UHRF1: variants seen among roughly 807,000 people sequenced by gnomAD.
UHRF1 encodes ubiquitin like with PHD and ring finger domains 1, also known as E3 ubiquitin-protein ligase UHRF1.
A neutral mutation model predicts 96.5 loss-of-function variants in UHRF1; 9 were observed. That is an observed-to-expected ratio of 0.09 (90% CI 0.06 to 0.16). The LOEUF is 0.16. UHRF1 is among the 10% of genes least tolerant of loss of function. UHRF1 has a pLI of 1.00. For missense variants in UHRF1, 626 were observed against 1,131.1 expected, an observed-to-expected ratio of 0.55 and a Z score of 6.40; for synonymous variants, 455 against 469.9, an observed-to-expected ratio of 0.97 and a Z score of 0.41.
chr19:4,962,127 C>G lies in UHRF1; in HGVS notation c.*1324C>G, dbSNP rs1411250196. On this transcript the variant is annotated 3_prime_UTR_variant, in exon 17 of 17. Transcript: ENST00000650932. ...CAGTACTTTGTCCAGATTTTAGATTCTCAGAATAAATGTTTTTCACAGATA... is the reference window on the plus strand; with the variant it reads ...CAGTACTTTGTCCAGATTTTAGATTGTCAGAATAAATGTTTTTCACAGATA... 1 of 152,172 alleles carries G rather than the reference C, an allele frequency of 6.6e-6. No homozygotes were observed. The highest frequency in any genetic ancestry group is 1.5e-5 in the Non-Finnish European group (1 of 68,040). The allele number at this position is 152,172 out of a possible 1,614,324, so 9.4% of individuals were successfully genotyped here. A position where few individuals can be genotyped will look rare whatever the true frequency, so the allele number is the denominator to read the frequency against.
chr19:4,912,211 C>T (rs1367453125), intron 2 of UHRF1, among the ~76,000 whole-genome samples: 2 of 152,176 alleles, frequency 1.3e-5, no homozygotes, highest in East Asian at 1.9e-4. Context: ...GTGCAAGCCG[C>T]GTGTGTGCAG....
At chr19:4,924,442 C>A (rs948139666) in intron 2 of UHRF1, among the ~76,000 whole-genome samples, 1 of 152,314 alleles carries the variant, frequency 6.6e-6, no homozygotes, top group South Asian at 2.1e-4. Context: ...AGCCACCGCA[C>A]CCGGCCAATT....
intron 2 of UHRF1, among the ~76,000 whole-genome samples, chr19:4,913,865 G>A (rs1034028426): frequency 3.0e-5 from 4 of 134,580 alleles, no homozygotes; most frequent in Non-Finnish European, 4.6e-5. Context: ...AAGGTGGAGT[G>A]CAATTGCGTG....
At position 4,938,730 on chromosome 19, in the gene UHRF1, G is replaced by GTTTTTTTTTTTTT. The variant is rs71170880; in HGVS notation, c.786-2779_786-2767dup. 2.0e-3 allele frequency among the ~76,000 whole-genome samples: 123 copies of GTTTTTTTTTTTTT among 61,586 alleles called. 11 individuals carry two copies. Among genetic ancestry groups the GTTTTTTTTTTTTT allele is most frequent in the African/African-American group, 3.4e-3 (48 of 14,068 alleles). The allele number at this position is 61,586 out of a possible 152,430, so 40.4% of individuals were successfully genotyped here. A position where few individuals can be genotyped will look rare whatever the true frequency, so the allele number is the denominator to read the frequency against. ...GGCATAAGAGTTTTGTTTTGGTCAG[G>GTTTTTTTTTTTTT]TTTTTTTTTTTTTTTTTTTTTTTTT... On this transcript the variant is annotated intron_variant, in intron 5 of 16. Coordinates refer to ENST00000650932, the MANE Select transcript of UHRF1 (RefSeq NM_001048201.3).
chr19:4,910,617 C>T (rs1389175152), intron 1 of UHRF1: 1 of 374,320 alleles, frequency 2.7e-6, no homozygotes, highest in African/African-American at 2.1e-5. Context: ...GTTGGACCTT[C>T]TGCTTTTCTT....
At chr19:4,958,656 C>T (rs1402428398) in intron 16 of UHRF1, among the ~76,000 whole-genome samples, 2 of 152,210 alleles carry the variant, frequency 1.3e-5, no homozygotes, top group Non-Finnish European at 2.9e-5. Context: ...AGGCTGTGAC[C>T]TTCCACCTTG....
chr19:4,941,085 G>GTT (rs869250736), intron 5 of UHRF1, among the ~76,000 whole-genome samples: 592 of 49,914 alleles, frequency 0.012, 2 homozygotes, highest in East Asian at 0.031. Flanking sequence ...TCTGTGTTTT[G>GTT]TTTTTTTTTT....
chr19:4,944,027 G>A (rs2033488447), intron 7 of UHRF1, 105 bp from the exon 8 acceptor site: 3 of 1,523,928 alleles, frequency 2.0e-6, no homozygotes, highest in Admixed American at 2.0e-5. Flanking sequence ...GATGGTAGTG[G>A]TGCCAGGCGG....
chr19:4,936,722 G>A (rs892206396), intron 5 of UHRF1, among the ~76,000 whole-genome samples: 20 of 151,288 alleles, frequency 1.3e-4, no homozygotes, highest in Non-Finnish European at 2.1e-4. Context: ...TGGGAGGATC[G>A]CTTGAGCCTG....
At position 4,930,697 on chromosome 19, in the gene UHRF1, C is replaced by T. The variant is rs758073574; in HGVS notation, c.409-19C>T. On this transcript the variant is annotated intron_variant, in intron 3 of 16. Transcript: ENST00000650932. The surrounding 1 kb of genome is among the most constrained non-coding windows in gnomAD (Gnocchi z 4.4). ...TTCCTCACCCCGTTGGGATGCCAGA[C>T]TTCCCTCATTCCTCACAGGTCAATG... The T allele has an allele frequency of 6.8e-6, 11 of 1,611,314 alleles. No homozygotes were observed. Among genetic ancestry groups the T allele is most frequent in the Middle Eastern group, 1.7e-4 (1 of 6,050 alleles).
intron 5 of UHRF1, among the ~76,000 whole-genome samples, chr19:4,937,026 G>C (rs974206461): frequency 4.0e-5 from 6 of 149,798 alleles, no homozygotes; most frequent in African/African-American, 1.5e-4. Context: ...CTGACCCCCG[G>C]CAAGCAATAA....
chr19:4,921,986 C>T lies in UHRF1; in HGVS notation c.154-7236C>T, dbSNP rs113951916. On this transcript the variant is annotated intron_variant, in intron 2 of 16. Coordinates refer to ENST00000650932, the MANE Select transcript of UHRF1 (RefSeq NM_001048201.3). The stretch of plus-strand genomic sequence containing the variant: ...TTTGTTTATTTATTTGAGACAGTCT[C>T]GCTCTGTCGCCTAGGCTGGAGTGCA... Among the ~76,000 whole-genome samples the T allele has an allele frequency of 6.5e-3, 996 of 152,306 alleles. 17 individuals are homozygous for T. The highest frequency in any genetic ancestry group is 0.025 in the South Asian group (120 of 4,832).
At chr19:4,909,807 G>A (rs2032179655) in intron 1 of UHRF1, 152 bp downstream of exon 1, 2 of 437,172 alleles carry the variant, frequency 4.6e-6, no homozygotes, top group Admixed American at 4.5e-5. Context: ...CTAACCCTCG[G>A]GAATCGTTCC....
chr19:4,948,661 G>T (rs2033636212), intron 11 of UHRF1, among the ~76,000 whole-genome samples: 1 of 151,990 alleles, frequency 6.6e-6, no homozygotes. Flanking sequence ...AATTAGCTGG[G>T]TGTGGTGGCA....
At chr19:4,958,941 G>T (rs938901963) in intron 16 of UHRF1, among the ~76,000 whole-genome samples, 1 of 147,478 alleles carries the variant, frequency 6.8e-6, no homozygotes, top group African/African-American at 2.5e-5. Flanking sequence ...CAGCCTGGGC[G>T]TCAGAGCAAG....
intron 16 of UHRF1, among the ~76,000 whole-genome samples, chr19:4,958,906 G>A (rs563599343): frequency 2.2e-4 from 33 of 150,816 alleles, no homozygotes; most frequent in Admixed American, 1.8e-3. Flanking sequence ...AGGTTGCGGT[G>A]AGCTGAGATC....
At chr19:4,914,656 C>CT (rs11317452) in intron 2 of UHRF1, among the ~76,000 whole-genome samples, 5,447 of 139,208 alleles carry the variant, frequency 0.039, 288 homozygotes, top group African/African-American at 0.13. Flanking sequence ...ACCCCTCAAT[C>CT]TTTTTTTTTT....
rs919223906 is a variant in UHRF1 at position 4,918,108 on chromosome 19, G to GT, written c.153+7079dup. ...TTGAACATGTGTGCGTTTGCTATGG[G>GT]TTTTTTTTTGTTTGTTTTGTTTTGT... is the stretch of plus-strand genomic sequence containing the variant. On this transcript the variant is annotated intron_variant, in intron 2 of 16. Coordinates refer to ENST00000650932, the MANE Select transcript of UHRF1 (RefSeq NM_001048201.3). Among the ~76,000 whole-genome samples, 29 of 150,802 alleles carry GT rather than the reference G, an allele frequency of 1.9e-4. No homozygotes were observed. The South Asian group carries it at 2.3e-3, about 12-fold the overall frequency.
rs750579817 is a variant in UHRF1, at chr19:4,954,623, T to TCCCTCACGCGCCCCA, written c.1958-21_1958-7dup. The TCCCTCACGCGCCCCA allele has an allele frequency of 1.9e-6, 3 of 1,608,376 alleles. No homozygotes were observed. The highest frequency in any genetic ancestry group is 2.2e-5 in the East Asian group (1 of 44,740). The stretch of plus-strand genomic sequence containing the variant: ...TCCGGCAGCTCGGGCCACGCGCCCC[T>TCCCTCACGCGCCCCA]CCCTCACGCGCCCCACCCTCTTCCA... On this transcript the variant is annotated intron_variant, in intron 14 of 16. Coordinates refer to ENST00000650932, the MANE Select transcript of UHRF1 (RefSeq NM_001048201.3). This position sits in a 1 kb window ranked among gnomAD's most constrained non-coding sequence, Gnocchi z 5.9.
Sources: allele counts gnomAD v4.1 joint callset (sites outside exome capture counted in the v4.1 genomes callset), GRCh38; gene constraint gnomAD v4.1.1; non-coding constraint Gnocchi (gnomAD v3.1); transcripts MANE v1.5; gene names NCBI Gene and HGNC (gene_info 2026-07-23, HGNC 2026-07-21).